The following TRAPPC9 variants were observed in gnomAD, a reference collection of about 807,000 sequenced individuals.
TRAPPC9 encodes trafficking protein particle complex subunit 9.
In TRAPPC9, 83 loss-of-function variants were observed where a neutral mutation model predicts 124.0. The ratio of observed to expected loss-of-function variants is 0.67; its 90% CI spans 0.56 to 0.80. The LOEUF (loss-of-function observed/expected upper bound fraction) is 0.80. Ranked by LOEUF, TRAPPC9 falls within the 30% of genes least tolerant of loss-of-function variation. TRAPPC9 has a pLI of 0.00. For missense variants in TRAPPC9, 1,302 were observed against 1,508.3 expected, an observed-to-expected ratio of 0.86 and a Z score of 2.27; for synonymous variants, 638 against 617.5, an observed-to-expected ratio of 1.03 and a Z score of -0.49.
chr8:139,802,393 T>A (rs2130686600), intron 21 of TRAPPC9, among the ~76,000 whole-genome samples: 1 of 152,138 alleles, frequency 6.6e-6, no homozygotes, highest in Middle Eastern at 3.4e-3. Context: ...CCCTCAATGA[T>A]CTGAGATCCT....
intron 17 of TRAPPC9, among the ~76,000 whole-genome samples, chr8:140,030,644 A>T (rs1355696045): frequency 6.6e-6 from 1 of 152,234 alleles, no homozygotes; most frequent in African/African-American, 2.4e-5. Context: ...AACAAATTGT[A>T]GTAAATTCAC....
intron 19 of TRAPPC9, among the ~76,000 whole-genome samples, chr8:139,921,300 C>CACTGGGTTTGGT (rs1832488337): frequency 6.6e-6 from 1 of 152,232 alleles, no homozygotes; most frequent in Admixed American, 6.5e-5. Context: ...GGACAAATCA[C>CACTGGGTTTGGT]ACTGGGTTTG....
chr8:140,093,396 G>A lies in TRAPPC9; in HGVS notation c.2557-69317C>T, dbSNP rs115260175. ...AGAAACAAGGCTTCAGGCCAGTTGC[G>A]GTGGCTCACACCTGTAATCCCACCA... On this transcript the variant is annotated intron_variant, in intron 17 of 22. Coordinates refer to ENST00000438773, the MANE Select transcript of TRAPPC9 (RefSeq NM_001160372.4). Among the ~76,000 whole-genome samples, 722 of 152,286 alleles carry A rather than the reference G, an allele frequency of 4.7e-3. 8 individuals are homozygous for A. The highest frequency in any genetic ancestry group is 0.016 in the African/African-American group (679 of 41,556).
chr8:139,777,753 G>A (rs1821492547), intron 21 of TRAPPC9, among the ~76,000 whole-genome samples: 1 of 152,210 alleles, frequency 6.6e-6, no homozygotes, highest in Non-Finnish European at 1.5e-5. Flanking sequence ...ATGAAACAAT[G>A]GTTTCCAAGA....
At chr8:140,175,278 A>T (rs1216558430) in intron 17 of TRAPPC9, among the ~76,000 whole-genome samples, 1 of 151,868 alleles carries the variant, frequency 6.6e-6, no homozygotes, top group Non-Finnish European at 1.5e-5. Flanking sequence ...TTGAATTATG[A>T]ACCTCCATTA....
chr8:139,909,459 C>T (rs1166791331), intron 20 of TRAPPC9, among the ~76,000 whole-genome samples: 1 of 151,108 alleles, frequency 6.6e-6, no homozygotes, highest in African/African-American at 2.5e-5. Context: ...ACATCCACTT[C>T]ATACTAGACA....
intron 17 of TRAPPC9, among the ~76,000 whole-genome samples, chr8:140,159,347 G>C (rs746942343): frequency 6.6e-6 from 1 of 152,094 alleles, no homozygotes; most frequent in Non-Finnish European, 1.5e-5. Context: ...ACTGAGAATA[G>C]TGCCTTGCAC....
chr8:140,022,593 T>C (rs1003190548), intron 18 of TRAPPC9, among the ~76,000 whole-genome samples: 1 of 152,168 alleles, frequency 6.6e-6, no homozygotes, highest in Admixed American at 6.5e-5. Flanking sequence ...GAATTATTTA[T>C]GTGGGCAACG....
chr8:140,177,921 G>T (rs1314311512), intron 17 of TRAPPC9, among the ~76,000 whole-genome samples: 2 of 151,952 alleles, frequency 1.3e-5, no homozygotes, highest in East Asian at 3.9e-4. Flanking sequence ...TTTTATAAAT[G>T]ATATGGTATT....
intron 15 of TRAPPC9, among the ~76,000 whole-genome samples, chr8:140,256,550 C>T (rs1489850819): frequency 6.6e-6 from 1 of 152,186 alleles, no homozygotes; most frequent in Non-Finnish European, 1.5e-5. Flanking sequence ...GGCCCACCTG[C>T]TTCCGCTTGG....
chr8:140,249,276 C>T (rs1014593132), intron 16 of TRAPPC9, among the ~76,000 whole-genome samples: 2 of 152,108 alleles, frequency 1.3e-5, no homozygotes, highest in African/African-American at 4.8e-5. Flanking sequence ...TGAGAATATG[C>T]TGTATTTGCT....
intron 21 of TRAPPC9, among the ~76,000 whole-genome samples, chr8:139,784,644 T>TATAA (rs1218317207): frequency 1.5e-5 from 2 of 131,810 alleles, no homozygotes; most frequent in African/African-American, 2.8e-5. Flanking sequence ...TATATATATA[T>TATAA]AAATCAACTG....
At chr8:140,078,293 G>A (rs1417540572) in intron 17 of TRAPPC9, among the ~76,000 whole-genome samples, 1 of 152,230 alleles carries the variant, frequency 6.6e-6, no homozygotes. Flanking sequence ...TTATAGCAGT[G>A]CCATGGGAAG....
chr8:140,444,442 C>A (rs760138361), intron 2 of TRAPPC9, among the ~76,000 whole-genome samples: 1 of 152,056 alleles, frequency 6.6e-6, no homozygotes, highest in African/African-American at 2.4e-5. Flanking sequence ...GCTGCCAGGA[C>A]GGAGGCGGTG....
At chr8:139,965,178 T>C (rs576118919) in intron 19 of TRAPPC9, among the ~76,000 whole-genome samples, 1 of 152,326 alleles carries the variant, frequency 6.6e-6, no homozygotes, top group South Asian at 2.1e-4. Context: ...GGCCCATTCA[T>C]CTGCAGGCCC....
intron 16 of TRAPPC9, among the ~76,000 whole-genome samples, chr8:140,240,882 T>C (rs1247557533): frequency 6.6e-6 from 1 of 152,140 alleles, no homozygotes; most frequent in Non-Finnish European, 1.5e-5. Context: ...ATACCAGCCT[T>C]CTTTTAAAAA....
chr8:140,014,877 T>C (rs1839364374), intron 18 of TRAPPC9, among the ~76,000 whole-genome samples: 3 of 152,224 alleles, frequency 2.0e-5, no homozygotes, highest in South Asian at 4.1e-4. Context: ...ACCCAGGGCA[T>C]GCCCTGGAGT....
At chr8:139,972,166 C>G (rs1435100825) in intron 19 of TRAPPC9, among the ~76,000 whole-genome samples, 2 of 152,088 alleles carry the variant, frequency 1.3e-5, no homozygotes, top group African/African-American at 4.8e-5. Flanking sequence ...AGAACACACC[C>G]TGATACCACC....
At chr8:140,374,462 T>C (rs1170802661) in intron 7 of TRAPPC9, among the ~76,000 whole-genome samples, 3 of 151,632 alleles carry the variant, frequency 2.0e-5, no homozygotes, top group Admixed American at 6.6e-5. Context: ...CCCAGCTACT[T>C]GAGAGGCTGA....
Sources: gnomAD v4.1 joint callset for allele counts (sites outside exome capture counted in the v4.1 genomes callset) on GRCh38, gnomAD v4.1.1 for gene constraint, MANE v1.5 for transcripts, NCBI Gene and HGNC (gene_info 2026-07-23, HGNC 2026-07-21) for gene names.